The following PDE8A variants were observed in gnomAD, a reference collection of about 807,000 sequenced individuals.
PDE8A encodes phosphodiesterase 8A.
In PDE8A, 59 loss-of-function variants were observed where a neutral mutation model predicts 105.0. The ratio of observed to expected loss-of-function variants is 0.56; its 90% CI spans 0.46 to 0.70. The LOEUF is 0.70. PDE8A is among the 30% of genes least tolerant of loss of function. PDE8A has a pLI of 0.00. For missense variants in PDE8A, 1,014 were observed against 1,045.9 expected (o/e 0.97, Z 0.42); for synonymous variants, 355 against 371.9 (o/e 0.95, Z 0.52).
At chr15:85,119,735 A>G (rs1330542530) in intron 17 of PDE8A, among the ~76,000 whole-genome samples, 1 of 152,146 alleles carries the variant, frequency 6.6e-6, no homozygotes, top group Admixed American at 6.5e-5. Context: ...TTAAAATATC[A>G]GCTACAACAA....
At chr15:85,112,630 T>G (rs2082037040) in intron 12 of PDE8A, among the ~76,000 whole-genome samples, 1 of 152,210 alleles carries the variant, frequency 6.6e-6, no homozygotes, top group African/African-American at 2.4e-5. Context: ...TCTTCATTGG[T>G]AAAATGAGGT....
At chr15:85,038,024 G>A (rs1344919216) in intron 1 of PDE8A, among the ~76,000 whole-genome samples, 2 of 151,992 alleles carry the variant, frequency 1.3e-5, no homozygotes, top group African/African-American at 2.4e-5. Flanking sequence ...TATTTGTTAC[G>A]TTTTACAAAA....
At chr15:85,126,095 T>G in intron 19 of PDE8A, 112 bp from the exon 20 acceptor site, 2 of 676,458 alleles carry the variant, frequency 3.0e-6, no homozygotes. Context: ...TGTGAGATCC[T>G]TATAGATCCT....
At chr15:85,050,957 C>CT (rs2080963675) in intron 1 of PDE8A, among the ~76,000 whole-genome samples, 1 of 152,130 alleles carries the variant, frequency 6.6e-6, no homozygotes, top group Admixed American at 6.5e-5. Flanking sequence ...GGATATGTTT[C>CT]CATTTATTAA....
intron 1 of PDE8A, among the ~76,000 whole-genome samples, chr15:85,059,286 T>C (rs553236500): frequency 2.6e-5 from 4 of 152,348 alleles, no homozygotes; most frequent in Non-Finnish European, 4.4e-5. Flanking sequence ...TGGCCTAATA[T>C]GTAGTCTGTC....
At chr15:85,043,680 TTTTGTTTGTTTG>T (rs148058433) in intron 1 of PDE8A, among the ~76,000 whole-genome samples, 28 of 150,238 alleles carry the variant, frequency 1.9e-4, no homozygotes, top group Middle Eastern at 3.4e-3. Flanking sequence ...ATTAATGGTT[TTTTGTTTGTTTG>T]TTTGTTTGTT....
At chr15:85,082,304 T>C (rs2081479953) in intron 5 of PDE8A, among the ~76,000 whole-genome samples, 1 of 152,194 alleles carries the variant, frequency 6.6e-6, no homozygotes, top group Admixed American at 6.5e-5. Context: ...TCAACAGGTC[T>C]TGCCTTCCCC....
intron 1 of PDE8A, among the ~76,000 whole-genome samples, chr15:85,051,477 T>C (rs1040204337): frequency 1.3e-5 from 2 of 152,164 alleles, no homozygotes; most frequent in African/African-American, 4.8e-5. Flanking sequence ...TTTTTTTTCT[T>C]CAATTTTTAA....
chr15:85,005,843 A>G (rs77554388), intron 1 of PDE8A, among the ~76,000 whole-genome samples: 13 of 152,190 alleles, frequency 8.5e-5, no homozygotes, highest in Admixed American at 7.8e-4. Flanking sequence ...TAAAAAAAAA[A>G]GGAAATTGGG....
rs534760438 is a variant in PDE8A at position 85,126,129 on chromosome 15, C to A, written c.2086-78C>A. ...CTGACTAGTGCTCTTTTTATGCTTA[C>A]AGTGGGACAGACCAGTAAGAGAGGG... On this transcript the variant is annotated intron_variant, in intron 19 of 21. Coordinates refer to ENST00000394553, the MANE Select transcript of PDE8A (RefSeq NM_002605.3). The A allele has an allele frequency of 6.9e-6, 7 of 1,007,938 alleles. No individual in the cohort carries two copies. In the East Asian group the frequency reaches 1.8e-4, roughly 25 times the overall value. 62.4% of individuals were successfully genotyped at this position (1,007,938 alleles called of 1,614,324 possible). A position where few individuals can be genotyped will look rare whatever the true frequency, so the allele number is the denominator to read the frequency against.
intron 1 of PDE8A, among the ~76,000 whole-genome samples, chr15:85,011,564 A>G (rs536536975): frequency 9.4e-4 from 143 of 152,330 alleles, no homozygotes; most frequent in Middle Eastern, 3.4e-3. Context: ...GGAAGCTTCA[A>G]CTTTATTGTT....
chr15:85,133,786 C>T (rs1255699239), intron 20 of PDE8A, among the ~76,000 whole-genome samples: 1 of 152,176 alleles, frequency 6.6e-6, no homozygotes, highest in African/African-American at 2.4e-5. Context: ...CTTATAGCCA[C>T]CCTGTCTCTT....
chr15:85,089,454 G>A, intron 7 of PDE8A, 38 bp downstream of exon 7: 1 of 1,267,586 alleles, frequency 7.9e-7, no homozygotes, highest in Non-Finnish European at 1.1e-6. Flanking sequence ...TGGATTTCTT[G>A]TTTTGCTTTT....
intron 3 of PDE8A, among the ~76,000 whole-genome samples, chr15:85,067,766 A>G (rs2081252043): frequency 6.6e-6 from 1 of 152,206 alleles, no homozygotes; most frequent in African/African-American, 2.4e-5. Flanking sequence ...AGCTAAGTAG[A>G]TTAAAAACCC....
At chr15:85,072,320 G>A (rs2081323547) in intron 3 of PDE8A, among the ~76,000 whole-genome samples, 1 of 152,198 alleles carries the variant, frequency 6.6e-6, no homozygotes, top group South Asian at 2.1e-4. Flanking sequence ...CCAGTGTTGT[G>A]TTGAGACCAT....
intron 1 of PDE8A, among the ~76,000 whole-genome samples, chr15:84,984,886 C>T (rs933113719): frequency 2.6e-5 from 4 of 151,638 alleles, no homozygotes; most frequent in Non-Finnish European, 5.9e-5. Flanking sequence ...ATTAGGGATG[C>T]TGAACTGGTA....
At chr15:85,049,297 CTT>C (rs1416444037) in intron 1 of PDE8A, among the ~76,000 whole-genome samples, 2 of 152,138 alleles carry the variant, frequency 1.3e-5, no homozygotes, top group African/African-American at 2.4e-5. Flanking sequence ...CTCCAGAACT[CTT>C]TTCATTTTGT....
chr15:85,137,832 GACA>G lies in PDE8A; in HGVS notation c.2425_2427del (p.Asn809del). On this transcript the variant is annotated inframe_deletion, in exon 22 of 22. Transcript: ENST00000394553. ...CCTGCCTGATTTAATGCAGCATCTT[GACA>G]ACAACTTTAAATACTGGAAAGGACT... The G allele has an allele frequency of 1.2e-6, 2 of 1,613,570 alleles. No homozygotes were observed. Among genetic ancestry groups the G allele is most frequent in the Non-Finnish European group, 1.7e-6 (2 of 1,179,518 alleles).
intron 1 of PDE8A, among the ~76,000 whole-genome samples, chr15:85,024,199 A>G (rs1472577201): frequency 6.6e-6 from 1 of 151,878 alleles, no homozygotes; most frequent in Non-Finnish European, 1.5e-5. Flanking sequence ...CCTTATGCTT[A>G]TCTCTAACTT....
Sources: allele counts gnomAD v4.1 joint callset (sites outside exome capture counted in the v4.1 genomes callset), GRCh38; gene constraint gnomAD v4.1.1; transcripts MANE v1.5; gene names NCBI Gene and HGNC (gene_info 2026-07-23, HGNC 2026-07-21).